SLC5A11: variants seen among roughly 807,000 people sequenced by gnomAD.
The protein encoded by SLC5A11 is solute carrier family 5 member 11.
In SLC5A11, 48 loss-of-function variants were observed where a neutral mutation model predicts 69.8. The ratio of observed to expected loss-of-function variants is 0.69; its 90% confidence interval spans 0.55 to 0.87. The LOEUF is 0.87. Among genes scored for constraint, SLC5A11 ranks in the 40% least tolerant of loss-of-function variants. The probability of loss-of-function intolerance (pLI) is 0.00; values close to 1 mark genes in which losing one functional copy is unlikely to be tolerated. For synonymous variants in SLC5A11, 319 were observed against 342.4 expected (o/e 0.93, Z 0.75); for missense variants, 784 against 866.1 (o/e 0.91, Z 1.19).
intron 1 of SLC5A11, among the ~76,000 whole-genome samples, chr16:24,850,385 G>A (rs1288736189): frequency 6.6e-6 from 1 of 152,210 alleles, no homozygotes; most frequent in Non-Finnish European, 1.5e-5. Context: ...GCCCTTCTCT[G>A]CCTTCCAGGA....
chr16:24,885,617 C>T (rs942568261), intron 8 of SLC5A11, among the ~76,000 whole-genome samples: 7 of 137,046 alleles, frequency 5.1e-5, no homozygotes, highest in South Asian at 4.8e-4. Flanking sequence ...CACTGCACTC[C>T]GGCCTGGTCT....
At position 24,859,770 on chromosome 16, in the gene SLC5A11, A is replaced by C. The variant is rs570221063; in HGVS notation, c.135+992A>C. On this transcript the variant is annotated intron_variant, in intron 2 of 15. Transcript: ENST00000347898. ...AAGTTGCATAATATTTCCTTAGATG[A>C]TTGTGTTGTAATTTATTTAACTAGT... is the stretch of plus-strand genomic sequence containing the variant. Among the ~76,000 whole-genome samples, 3 of 152,256 alleles carry C rather than the reference A, an allele frequency of 2.0e-5. No individual in the cohort carries two copies. In the East Asian group the frequency reaches 5.8e-4, roughly 29 times the overall value.
At chr16:24,869,111 G>A (rs1017223665) in intron 3 of SLC5A11, among the ~76,000 whole-genome samples, 8 of 151,932 alleles carry the variant, frequency 5.3e-5, no homozygotes, top group African/African-American at 1.9e-4. Context: ...CAAGTGATCC[G>A]CCTGCCTCAG....
chr16:24,852,430 T>C (rs1026546027), intron 1 of SLC5A11, among the ~76,000 whole-genome samples: 3 of 152,168 alleles, frequency 2.0e-5, no homozygotes, highest in Admixed American at 1.3e-4. Context: ...GAGCTTCCTT[T>C]TGTGCATTGG....
chr16:24,901,341 G>A (rs2049575252), intron 10 of SLC5A11, among the ~76,000 whole-genome samples: 1 of 152,146 alleles, frequency 6.6e-6, no homozygotes, highest in Admixed American at 6.6e-5. Context: ...TTGGCCAGGA[G>A]CAATGGCTCA....
intron 8 of SLC5A11, among the ~76,000 whole-genome samples, chr16:24,889,832 G>A (rs2048660032): frequency 6.6e-6 from 1 of 152,092 alleles, no homozygotes; most frequent in Non-Finnish European, 1.5e-5. Context: ...ACAGGTGTGA[G>A]CCACTGTGCC....
chr16:24,907,300 A>G, intron 12 of SLC5A11, 125 bp downstream of exon 13: 2 of 1,035,684 alleles, frequency 1.9e-6, no homozygotes, highest in Non-Finnish European at 2.8e-6. Flanking sequence ...TGTGCAAGAC[A>G]TTCATTCATT....
chr16:24,852,779 T>G (rs567323444), intron 1 of SLC5A11, among the ~76,000 whole-genome samples: 1 of 152,240 alleles, frequency 6.6e-6, no homozygotes, highest in Non-Finnish European at 1.5e-5. Context: ...ACACAGTTGT[T>G]GCTTAATAAA....
At chr16:24,911,201 G>A (rs952948146) in intron 15 of SLC5A11, 127 bp from the exon 17 acceptor site, 29 of 799,202 alleles carry the variant, frequency 3.6e-5, no homozygotes, top group East Asian at 1.2e-4. Flanking sequence ...GATTTCAGTC[G>A]GGCATAGTGG....
At chr16:24,897,863 T>C in intron 9 of SLC5A11, 111 bp from the exon 11 acceptor site, 1 of 1,416,204 alleles carries the variant, frequency 7.1e-7, no homozygotes, top group Non-Finnish European at 9.7e-7. Flanking sequence ...ACTGACTCCC[T>C]CCCACAACAT....
intron 12 of SLC5A11, 69 bp from the exon 14 acceptor site, chr16:24,907,894 G>A: frequency 6.3e-7 from 1 of 1,587,094 alleles, no homozygotes; most frequent in South Asian, 1.1e-5. Flanking sequence ...TATTAAAAGA[G>A]ACAGAGAGAG....
At position 24,908,102 on chromosome 16, in the gene SLC5A11, G is replaced by T. The variant is rs1262361434; in HGVS notation, c.1405G>T (p.Gly469Ter). Residue 469 changes from glycine (G) to a stop codon, truncating the protein, a stop_gained, in exon 13 of 16, where the codon GGA (glycine) becomes TGA (stop). Coordinates refer to ENST00000347898, the Ensembl canonical transcript of SLC5A11. LOFTEE classifies it high-confidence loss of function. The stretch of plus-strand genomic sequence containing the variant: ...GCCTGTGGCGGTGGTCTTCATCATG[G>T]GATGTTTCTGGAAGAGGACCAATGA... The T allele has an allele frequency of 6.2e-7, 1 of 1,602,866 alleles. No individual in the cohort carries two copies. The highest frequency in any genetic ancestry group is 2.3e-5 in the East Asian group (1 of 44,388).
chr16:24,866,544 A>G (rs1015092081), intron 3 of SLC5A11, among the ~76,000 whole-genome samples: 13 of 151,670 alleles, frequency 8.6e-5, no homozygotes, highest in African/African-American at 2.9e-4. Flanking sequence ...ACACCACTGC[A>G]CAGCAGCCTG....
At chr16:24,880,145 C>G (rs1017673461) in intron 7 of SLC5A11, among the ~76,000 whole-genome samples, 2 of 151,954 alleles carry the variant, frequency 1.3e-5, no homozygotes, top group Non-Finnish European at 2.9e-5. Context: ...CTATGAAGAA[C>G]TACCCGAGAC....
intron 1 of SLC5A11, among the ~76,000 whole-genome samples, chr16:24,854,061 G>T (rs537175907): frequency 6.6e-6 from 1 of 152,194 alleles, no homozygotes; most frequent in Non-Finnish European, 1.5e-5. Flanking sequence ...TGGGCCCCAC[G>T]GCGATGATGA....
At position 24,886,652 on chromosome 16, in the gene SLC5A11, A is replaced by C. The variant is rs74876498; in HGVS notation, c.664+2521A>C. Among the ~76,000 whole-genome samples, 774 of 152,346 alleles carry C rather than the reference A, an allele frequency of 5.1e-3. 7 individuals are homozygous for C. Among genetic ancestry groups the C allele is most frequent in the African/African-American group, 0.017 (712 of 41,578 alleles). ...GATGAACAAGATCTCCAGGTAGAAG[A>C]AGCATTATGAAAAAAATGTGAAGTA... is the stretch of plus-strand genomic sequence containing the variant. On this transcript the variant is annotated intron_variant, in intron 8 of 15. Coordinates refer to ENST00000347898, the Ensembl canonical transcript of SLC5A11.
chr16:24,906,638 G>A lies in SLC5A11; in HGVS notation c.1007-19G>A, dbSNP rs114594301. ...TGGGGGCCTGACTGCTCACCTCTGGGCCTGTGTTTCCTTCGTAGATCAAGT... is the reference window on the plus strand; with the variant it reads ...TGGGGGCCTGACTGCTCACCTCTGGACCTGTGTTTCCTTCGTAGATCAAGT... On this transcript the variant is annotated intron_variant, in intron 10 of 15. Transcript: ENST00000347898. 3.2e-3 allele frequency: 5,018 copies of A among 1,582,452 alleles called. 98 individuals carry two copies. In the African/African-American group the frequency reaches 0.054, roughly 17 times the overall value.
At chr16:24,885,596 T>C (rs12926273) in intron 8 of SLC5A11, among the ~76,000 whole-genome samples, 56,935 of 142,144 alleles carry the variant, frequency 0.4, 12,054 homozygotes, top group Non-Finnish European at 0.49. Context: ...TGCGGTGAGC[T>C]GAGATTGTGC....
intron 8 of SLC5A11, among the ~76,000 whole-genome samples, chr16:24,887,482 A>G (rs891819729): frequency 1.3e-5 from 2 of 152,154 alleles, no homozygotes; most frequent in Non-Finnish European, 1.5e-5. Flanking sequence ...AAGAAGAAAT[A>G]CTGAACTCCA....
Sources: gnomAD v4.1 joint callset for allele counts (sites outside exome capture counted in the v4.1 genomes callset) on GRCh38, gnomAD v4.1.1 for gene constraint, MANE v1.5 for transcripts, NCBI Gene and HGNC (gene_info 2026-07-23, HGNC 2026-07-21) for gene names.